Variants in SLC25A12 observed in about 807,000 individuals in gnomAD.
SLC25A12 encodes the protein electrogenic aspartate/glutamate antiporter SLC25A12, mitochondrial.
Under a neutral mutation model 83.3 loss-of-function variants are expected in SLC25A12, and 32 were observed. The observed-to-expected ratio is 0.38, with a 90% CI of 0.29 to 0.52. SLC25A12 has a LOEUF of 0.52. Ranked by LOEUF, SLC25A12 falls within the 20% of genes least tolerant of loss-of-function variation. The probability of loss-of-function intolerance (pLI) is 0.84; values close to 1 mark genes in which losing one functional copy is unlikely to be tolerated. For synonymous variants in SLC25A12, 267 were observed against 291.1 expected, an observed-to-expected ratio of 0.92 and a Z score of 0.84; for missense variants, 611 against 835.6, an observed-to-expected ratio of 0.73 and a Z score of 3.31.
intron 9 of SLC25A12, among the ~76,000 whole-genome samples, chr2:171,817,211 G>A (rs192268603): frequency 2.5e-3 from 375 of 152,206 alleles, no homozygotes; most frequent in Non-Finnish European, 4.0e-3. Context: ...TTTGTAATAG[G>A]AGTCCAAACA....
chr2:171,827,355 A>T (rs551050938), intron 8 of SLC25A12, among the ~76,000 whole-genome samples: 1 of 150,722 alleles, frequency 6.6e-6, no homozygotes, highest in African/African-American at 2.4e-5. Context: ...GTTTTGACCC[A>T]TTTTTAGGCA....
chr2:171,813,237 TG>T lies in SLC25A12; in HGVS notation c.1171+101del, dbSNP rs371378827. On this transcript the variant is annotated intron_variant, in intron 11 of 17. Coordinates refer to ENST00000422440, the MANE Select transcript of SLC25A12 (RefSeq NM_003705.5). The stretch of plus-strand genomic sequence containing the variant: ...TAAAAAGAGAGAAACAGACCTAGTC[TG>T]GCTAGGCATACTACATATTGGCTTC... 102 of 1,175,164 alleles carry T rather than the reference TG, an allele frequency of 8.7e-5. No homozygotes were observed. The African/African-American group carries it at 1.2e-3, about 14-fold the overall frequency. The allele number at this position is 1,175,164 out of a possible 1,614,324, so 72.8% of individuals were successfully genotyped here. A position where few individuals can be genotyped will look rare whatever the true frequency, so the allele number is the denominator to read the frequency against.
chr2:171,798,070 T>C (rs1428263236), intron 13 of SLC25A12, among the ~76,000 whole-genome samples: 4 of 152,246 alleles, frequency 2.6e-5, no homozygotes, highest in African/African-American at 9.6e-5. Flanking sequence ...TTCTTTGTTC[T>C]AGAACTGAGT....
intron 7 of SLC25A12, 174 bp from the exon 8 acceptor site, chr2:171,834,230 A>G: frequency 1.8e-6 from 1 of 565,602 alleles, no homozygotes; most frequent in South Asian, 2.3e-5. Context: ...TGCATTTCTG[A>G]AGGCTGGTAA....
At chr2:171,832,845 T>C (rs941693604) in intron 8 of SLC25A12, among the ~76,000 whole-genome samples, 5 of 152,228 alleles carry the variant, frequency 3.3e-5, no homozygotes, top group African/African-American at 1.2e-4. Flanking sequence ...CTCAAAAAGA[T>C]GGCTTATGTC....
At chr2:171,875,298 C>A (rs896848153) in intron 2 of SLC25A12, among the ~76,000 whole-genome samples, 1 of 152,174 alleles carries the variant, frequency 6.6e-6, no homozygotes, top group Non-Finnish European at 1.5e-5. Flanking sequence ...GGCTCCCACA[C>A]TGTGGAGTGT....
chr2:171,814,451 C>T (rs943107816), intron 10 of SLC25A12, among the ~76,000 whole-genome samples: 1 of 151,156 alleles, frequency 6.6e-6, no homozygotes, highest in African/African-American at 2.4e-5. Flanking sequence ...TTTTATTTCA[C>T]GAGGTTCTGG....
At chr2:171,808,746 G>A (rs1011021871) in intron 13 of SLC25A12, among the ~76,000 whole-genome samples, 2 of 152,138 alleles carry the variant, frequency 1.3e-5, no homozygotes, top group Non-Finnish European at 2.9e-5. Flanking sequence ...TGTGCACAAT[G>A]TGCAGGTTTG....
intron 11 of SLC25A12, among the ~76,000 whole-genome samples, chr2:171,810,498 AAG>A (rs1683926040): frequency 1.3e-5 from 2 of 152,216 alleles, no homozygotes; most frequent in Non-Finnish European, 2.9e-5. Flanking sequence ...TCCTCTTCTT[AAG>A]CATGCTTACT....
At chr2:171,880,848 T>C (rs576819305) in intron 2 of SLC25A12, among the ~76,000 whole-genome samples, 1 of 152,344 alleles carries the variant, frequency 6.6e-6, no homozygotes, top group South Asian at 2.1e-4. Flanking sequence ...CACACTAACA[T>C]ACCTGTATCT....
At chr2:171,849,479 T>C (rs1050547624) in intron 4 of SLC25A12, among the ~76,000 whole-genome samples, 2 of 151,878 alleles carry the variant, frequency 1.3e-5, no homozygotes, top group Non-Finnish European at 1.5e-5. Context: ...AATTAAGCTA[T>C]ATATTTATTA....
intron 8 of SLC25A12, among the ~76,000 whole-genome samples, chr2:171,832,490 ATG>A (rs1684462629): frequency 6.6e-6 from 1 of 152,190 alleles, no homozygotes; most frequent in Admixed American, 6.5e-5. Context: ...AGTTGTACTT[ATG>A]TTTATCAGCC....
chr2:171,810,153 C>A (rs959212836), intron 12 of SLC25A12, 71 bp downstream of exon 12: 2 of 1,356,464 alleles, frequency 1.5e-6, no homozygotes, highest in Non-Finnish European at 2.1e-6. Flanking sequence ...CCACGCCTAG[C>A]CTTGATTTTA....
At chr2:171,803,810 TACACAC>T (rs57628850) in intron 13 of SLC25A12, among the ~76,000 whole-genome samples, 111 of 148,500 alleles carry the variant, frequency 7.5e-4, no homozygotes, top group Non-Finnish European at 1.0e-3. Flanking sequence ...TTTAAAAAAA[TACACAC>T]ACACACACAC....
chr2:171,891,598 C>A (rs1304995989), intron 2 of SLC25A12, among the ~76,000 whole-genome samples: 1 of 152,170 alleles, frequency 6.6e-6, no homozygotes, highest in Non-Finnish European at 1.5e-5. Context: ...ACTCAGATAC[C>A]TAGGCAGTAT....
intron 9 of SLC25A12, among the ~76,000 whole-genome samples, chr2:171,824,811 C>CATT (rs1684265909): frequency 6.9e-6 from 1 of 145,292 alleles, no homozygotes; most frequent in Non-Finnish European, 1.5e-5. Flanking sequence ...AAACTTTTTT[C>CATT]TTTTTTTTTT....
chr2:171,891,044 C>T (rs562888566), intron 2 of SLC25A12, among the ~76,000 whole-genome samples: 34 of 152,316 alleles, frequency 2.2e-4, no homozygotes, highest in Admixed American at 1.3e-3. Context: ...TGGTGGCTCA[C>T]GCCTGTAATC....
chr2:171,789,246 T>A (rs1159316795), intron 15 of SLC25A12, among the ~76,000 whole-genome samples: 1 of 152,118 alleles, frequency 6.6e-6, no homozygotes, highest in Non-Finnish European at 1.5e-5. Flanking sequence ...CTCTTTTTTT[T>A]TTGAGACAGT....
At chr2:171,785,510 TC>T in intron 17 of SLC25A12, 35 bp from the exon 18 acceptor site, 1 of 1,591,994 alleles carries the variant, frequency 6.3e-7, no homozygotes, top group Non-Finnish European at 8.6e-7. Context: ...GTTAGCATGC[TC>T]AAGGTGGATG....
Sources: gnomAD v4.1 joint callset for allele counts (sites outside exome capture counted in the v4.1 genomes callset) on GRCh38, gnomAD v4.1.1 for gene constraint, MANE v1.5 for transcripts, NCBI Gene and HGNC (gene_info 2026-07-23, HGNC 2026-07-21) for gene names.